The following GNAQ variants were observed in gnomAD, a reference collection of about 807,000 sequenced individuals.
GNAQ encodes the protein G protein subunit alpha q.
A neutral mutation model predicts 43.9 loss-of-function variants in GNAQ; 8 were observed. The observed-to-expected ratio is 0.18, with a 90% CI of 0.11 to 0.33. The LOEUF is 0.33. GNAQ is among the 10% of genes least tolerant of loss of function. The pLI is 1.00. For synonymous variants in GNAQ, 155 were observed against 170.7 expected (o/e 0.91, Z 0.71); for missense variants, 158 against 450.8 (o/e 0.35, Z 5.88).
chr9:77,976,086 G>A (rs1347663214), intron 1 of GNAQ, among the ~76,000 whole-genome samples: 1 of 152,226 alleles, frequency 6.6e-6, no homozygotes, highest in Non-Finnish European at 1.5e-5. Context: ...GAGGTTCACT[G>A]ACATTATGTG....
intron 4 of GNAQ, among the ~76,000 whole-genome samples, chr9:77,797,036 CTTTT>C (rs1232630396): frequency 6.6e-6 from 1 of 152,134 alleles, no homozygotes; most frequent in Admixed American, 6.6e-5. Flanking sequence ...ACATCTCTCT[CTTTT>C]GTTTTTTTTT....
intron 2 of GNAQ, among the ~76,000 whole-genome samples, chr9:77,917,154 G>C (rs1281709168): frequency 3.3e-5 from 5 of 152,082 alleles, no homozygotes; most frequent in Admixed American, 2.0e-4. Flanking sequence ...ACTAGTAACA[G>C]GCAACGCAGG....
intron 2 of GNAQ, among the ~76,000 whole-genome samples, chr9:77,837,615 C>A (rs1827411685): frequency 6.7e-6 from 1 of 149,538 alleles, no homozygotes; most frequent in Non-Finnish European, 1.5e-5. Context: ...TTTAAAAAAA[C>A]AACAGTGTAC....
intron 5 of GNAQ, among the ~76,000 whole-genome samples, chr9:77,749,512 C>A (rs1825779962): frequency 6.6e-6 from 1 of 152,150 alleles, no homozygotes; most frequent in African/African-American, 2.4e-5. Flanking sequence ...GAACTGAGGA[C>A]TTCAGAAACA....
At chr9:77,773,090 CT>C (rs931266775) in intron 5 of GNAQ, among the ~76,000 whole-genome samples, 8 of 152,234 alleles carry the variant, frequency 5.3e-5, no homozygotes, top group African/African-American at 1.9e-4. Flanking sequence ...TTTTCAGTCC[CT>C]TTTTTTGGGC....
At chr9:77,838,129 C>A (rs900242273) in intron 2 of GNAQ, among the ~76,000 whole-genome samples, 1 of 143,212 alleles carries the variant, frequency 7.0e-6, no homozygotes, top group Non-Finnish European at 1.5e-5. Flanking sequence ...GGATTACAGG[C>A]ATTAATGATT....
At chr9:77,955,690 G>A (rs758676756) in intron 1 of GNAQ, among the ~76,000 whole-genome samples, 20 of 152,246 alleles carry the variant, frequency 1.3e-4, no homozygotes, top group Non-Finnish European at 2.2e-4. Flanking sequence ...AAATCACTTA[G>A]TAGATTAATT....
intron 1 of GNAQ, among the ~76,000 whole-genome samples, chr9:77,975,898 T>C (rs1823295972): frequency 6.6e-6 from 1 of 152,152 alleles, no homozygotes; most frequent in Non-Finnish European, 1.5e-5. Context: ...CTCACTGCAA[T>C]GAGAGTCATA....
At chr9:77,905,243 T>C (rs1828685967) in intron 2 of GNAQ, among the ~76,000 whole-genome samples, 1 of 152,222 alleles carries the variant, frequency 6.6e-6, no homozygotes, top group African/African-American at 2.4e-5. Context: ...TTTACAATTA[T>C]TAGTACTGCT....
Position 77,765,502 on chromosome 9 carries a change from C to A in GNAQ, c.735+28961G>T, listed in dbSNP as rs77687271. Among the ~76,000 whole-genome samples the A allele has an allele frequency of 2.6e-5, 4 of 152,078 alleles. No homozygotes were observed. In the South Asian group the frequency reaches 8.3e-4, roughly 32 times the overall value. On this transcript the variant is annotated intron_variant, in intron 5 of 6. Transcript: ENST00000286548. ...TCAAGGAAGTTATATAAACGGCCAA[C>A]GAACACATGAAAAGCCGTTCGACAA...
intron 5 of GNAQ, among the ~76,000 whole-genome samples, chr9:77,776,584 C>T (rs936930464): frequency 1.3e-5 from 2 of 152,148 alleles, no homozygotes; most frequent in African/African-American, 4.8e-5. Context: ...AGCCCCAAAA[C>T]ACATGAAGCA....
chr9:77,899,547 A>T (rs572344077), intron 2 of GNAQ, among the ~76,000 whole-genome samples: 7 of 121,488 alleles, frequency 5.8e-5, no homozygotes, highest in African/African-American at 1.5e-4. Context: ...AAAGAATCAC[A>T]TTAACAAAAA....
Position 77,720,032 on chromosome 9 carries a change from C to T in GNAQ, c.*1291G>A, listed in dbSNP as rs1825285767. 4.3e-6 allele frequency: 1 copy of T among 232,490 alleles called. No individual in the cohort carries two copies. Among genetic ancestry groups the T allele is most frequent in the Non-Finnish European group, 8.5e-6 (1 of 117,664 alleles). The allele number at this position is 232,490 out of a possible 1,614,324, so 14.4% of individuals were successfully genotyped here. ...GAACCACTGAGAGTAAAACTGGTTT[C>T]AAATAAAGAGACATAAACAGATTTC... On this transcript the variant is annotated 3_prime_UTR_variant, in exon 7 of 7. Transcript: ENST00000286548.
intron 3 of GNAQ, among the ~76,000 whole-genome samples, chr9:77,813,388 C>T (rs1826958825): frequency 6.6e-6 from 1 of 152,140 alleles, no homozygotes; most frequent in East Asian, 1.9e-4. Context: ...CAGACTAAGC[C>T]TGCACTGACA....
At chr9:77,758,133 G>A (rs1825933413) in intron 5 of GNAQ, among the ~76,000 whole-genome samples, 1 of 152,200 alleles carries the variant, frequency 6.6e-6, no homozygotes, top group Non-Finnish European at 1.5e-5. Flanking sequence ...TTCTCCAGTG[G>A]TGGGACCATC....
In GNAQ at chr9:77,736,164, C is replaced by T. The variant is rs117844146; in HGVS notation, c.736-7497G>A. Among the ~76,000 whole-genome samples the T allele has an allele frequency of 5.0e-3, 767 of 152,312 alleles. 2 individuals are homozygous for T. Among genetic ancestry groups the T allele is most frequent in the Non-Finnish European group, 8.5e-3 (578 of 68,022 alleles). ...GATTTATAGAAAACTGGAAAGTCAT[C>T]CAGGTTTCTGCCAATTTTCCTTACG... On this transcript the variant is annotated intron_variant, in intron 5 of 6. Coordinates refer to ENST00000286548, the MANE Select transcript of GNAQ (RefSeq NM_002072.5).
At chr9:77,941,416 A>AT (rs1181230643) in intron 1 of GNAQ, among the ~76,000 whole-genome samples, 1 of 150,826 alleles carries the variant, frequency 6.6e-6, no homozygotes, top group Non-Finnish European at 1.5e-5. Context: ...CACCTGGCTA[A>AT]TTTTTTGTAT....
At chr9:78,021,189 C>A (rs1295700436) in intron 1 of GNAQ, among the ~76,000 whole-genome samples, 1 of 151,922 alleles carries the variant, frequency 6.6e-6, no homozygotes, top group African/African-American at 2.4e-5. Context: ...CCACGCCCAG[C>A]TAATTTTTGT....
chr9:77,791,523 T>C (rs1382759007), intron 5 of GNAQ, among the ~76,000 whole-genome samples: 3 of 152,156 alleles, frequency 2.0e-5, no homozygotes, highest in Non-Finnish European at 4.4e-5. Context: ...AACACAGCTC[T>C]ACCACCCTGG....
Sources: allele counts gnomAD v4.1 joint callset (sites outside exome capture counted in the v4.1 genomes callset), GRCh38; gene constraint gnomAD v4.1.1; transcripts MANE v1.5; gene names NCBI Gene and HGNC (gene_info 2026-07-23, HGNC 2026-07-21).